TMEM132B: variants seen among roughly 807,000 people sequenced by gnomAD.
The protein encoded by TMEM132B is transmembrane protein 132B.
In TMEM132B, 18 loss-of-function variants were observed where a neutral mutation model predicts 90.8. That is an observed-to-expected ratio of 0.20 (90% CI 0.14 to 0.29). The LOEUF (loss-of-function observed/expected upper bound fraction) is 0.29. Ranked by LOEUF, TMEM132B falls within the 10% of genes least tolerant of loss-of-function variation. The pLI, the probability that TMEM132B is intolerant of heterozygous loss-of-function variation, is 1.00. For synonymous variants in TMEM132B, 504 were observed against 523.3 expected (o/e 0.96, Z 0.50); for missense variants, 1,096 against 1,326.8 (o/e 0.83, Z 2.70).
chr12:125,433,108 C>T (rs1593144626), intron 3 of TMEM132B, among the ~76,000 whole-genome samples: 2 of 152,226 alleles, frequency 1.3e-5, no homozygotes, highest in East Asian at 3.8e-4. Flanking sequence ...CATGGTGAGT[C>T]CTGCCAGTAA....
intron 5 of TMEM132B, among the ~76,000 whole-genome samples, chr12:125,636,426 T>G (rs1886480404): frequency 6.6e-6 from 1 of 152,244 alleles, no homozygotes; most frequent in Non-Finnish European, 1.5e-5. Context: ...CTCCTAATTG[T>G]ATTCCCTATT....
At chr12:125,548,991 TTAGAAA>T (rs146018461) in intron 4 of TMEM132B, among the ~76,000 whole-genome samples, 6,316 of 152,262 alleles carry the variant, frequency 0.041, 366 homozygotes, top group African/African-American at 0.13. Context: ...GCATCATGAA[TTAGAAA>T]TAAAGTTTTG....
At chr12:125,330,117 T>TG (rs1382598895) in intron 1 of TMEM132B, among the ~76,000 whole-genome samples, 8 of 152,318 alleles carry the variant, frequency 5.3e-5, no homozygotes, top group African/African-American at 1.9e-4. Flanking sequence ...GCGTGTGGTG[T>TG]GGGTGCGTCC....
Position 125,636,588 on chromosome 12 carries a change from T to A in TMEM132B, c.1438-7488T>A, listed in dbSNP as rs1886485920. Among the ~76,000 whole-genome samples, 3 of 152,212 alleles carry A rather than the reference T, an allele frequency of 2.0e-5. No individual in the cohort carries two copies. The South Asian group carries it at 6.2e-4, about 32-fold the overall frequency. On this transcript the variant is annotated intron_variant, in intron 5 of 8. Transcript: ENST00000682704. ...CTACCCCTCTTCAAGCTGTAGTGTG[T>A]CTAGCATGTATTCTCATCCCTCCCT...
chr12:125,550,737 C>G (rs1884207253), intron 4 of TMEM132B, among the ~76,000 whole-genome samples: 1 of 152,100 alleles, frequency 6.6e-6, no homozygotes, highest in Non-Finnish European at 1.5e-5. Flanking sequence ...GCTGGTGGTT[C>G]TTCTTCCCTA....
chr12:125,595,646 T>C (rs578013195), intron 5 of TMEM132B, among the ~76,000 whole-genome samples: 1 of 152,296 alleles, frequency 6.6e-6, no homozygotes, highest in Admixed American at 6.5e-5. Flanking sequence ...GAGGCCTGAC[T>C]GTGAGGATCC....
Position 125,415,501 on chromosome 12 carries a change from A to G in TMEM132B, c.960-30A>G, listed in dbSNP as rs187156089. On this transcript the variant is annotated intron_variant, in intron 2 of 8. Transcript: ENST00000682704. This position sits in a 1 kb window ranked among gnomAD's most constrained non-coding sequence, Gnocchi z 5.3. ...TTTCAAACTAAAATGGTTTTATTATATATAATATCATTGTTTTCCCACCCC... is the reference window on the plus strand; with the variant it reads ...TTTCAAACTAAAATGGTTTTATTATGTATAATATCATTGTTTTCCCACCCC... 8.7e-6 allele frequency: 14 copies of G among 1,612,794 alleles called. No homozygotes were observed. The African/African-American group carries it at 1.2e-4, about 14-fold the overall frequency.
chr12:125,421,433 C>A (rs1880163858), intron 3 of TMEM132B, among the ~76,000 whole-genome samples: 1 of 152,180 alleles, frequency 6.6e-6, no homozygotes, highest in Non-Finnish European at 1.5e-5. Context: ...TGGGGGAACT[C>A]CCCTCTATAA....
intron 3 of TMEM132B, among the ~76,000 whole-genome samples, chr12:125,439,352 G>A (rs1361663335): frequency 6.6e-6 from 1 of 152,072 alleles, no homozygotes; most frequent in Non-Finnish European, 1.5e-5. Context: ...TTTGAGCAGT[G>A]TTTTGTAATT....
chr12:125,188,402 TG>T (rs1410867817), intron 1 of TMEM132B, among the ~76,000 whole-genome samples: 1 of 152,174 alleles, frequency 6.6e-6, no homozygotes, highest in Non-Finnish European at 1.5e-5. Flanking sequence ...ACTTGAAAAT[TG>T]CAGTTTTGTC....
chr12:125,262,884 G>T (rs1378012208), intron 1 of TMEM132B, among the ~76,000 whole-genome samples: 1 of 152,230 alleles, frequency 6.6e-6, no homozygotes, highest in African/African-American at 2.4e-5. Context: ...AGGCCAGGAA[G>T]GGCCTCTTCA....
rs536450545 is a variant in TMEM132B at position 125,293,098 on chromosome 12, A to G, written c.68-56354A>G. On this transcript the variant is annotated intron_variant, in intron 1 of 8. Transcript: ENST00000682704. Reference sequence around the variant, plus strand: ...CTATGGGGCTGGCTCCTTTCAACACATGCCATTGACATAATGGAGACATGG... The same window carrying G: ...CTATGGGGCTGGCTCCTTTCAACACGTGCCATTGACATAATGGAGACATGG... Among the ~76,000 whole-genome samples, 6 of 152,278 alleles carry G rather than the reference A, an allele frequency of 3.9e-5. No individual in the cohort carries two copies. In the East Asian group the frequency reaches 1.2e-3, roughly 29 times the overall value.
rs1555235580 is a variant in TMEM132B, at chr12:125,277,502, A to AACACATACACACACACACACAC, written c.68-71945_68-71944insTACACACACACACACACACACA. ...TCAAAAAAAAAAGATGAAGAGGGAG[A>AACACATACACACACACACACAC]ACACACACACACACACACACACACA... On this transcript the variant is annotated intron_variant, in intron 1 of 8. Transcript: ENST00000682704. The surrounding 1 kb of genome is among the most constrained non-coding windows in gnomAD (Gnocchi z 4.3). Among the ~76,000 whole-genome samples the AACACATACACACACACACACAC allele has an allele frequency of 1.4e-5, 2 of 143,112 alleles. No homozygotes were observed. The highest frequency in any genetic ancestry group is 3.0e-5 in the Non-Finnish European group (2 of 66,366). The allele number at this position is 143,112 out of a possible 152,430, so 93.9% of individuals were successfully genotyped here.
At chr12:125,382,072 T>C (rs1239334558) in intron 2 of TMEM132B, among the ~76,000 whole-genome samples, 1 of 152,206 alleles carries the variant, frequency 6.6e-6, no homozygotes, top group Non-Finnish European at 1.5e-5. Flanking sequence ...CTTTTAGAAA[T>C]CTTCTCATAA....
At chr12:125,357,338 A>T (rs1278699902) in intron 2 of TMEM132B, among the ~76,000 whole-genome samples, 4 of 152,238 alleles carry the variant, frequency 2.6e-5, no homozygotes, top group African/African-American at 4.8e-5. Context: ...TGAGTAATTC[A>T]TACACTGGCT....
intron 2 of TMEM132B, among the ~76,000 whole-genome samples, chr12:125,397,098 G>C (rs756837415): frequency 1.3e-5 from 2 of 151,682 alleles, no homozygotes; most frequent in African/African-American, 2.4e-5. Flanking sequence ...CAGCCTCCCA[G>C]TTAGCTGGGA....
chr12:125,460,134 CA>C lies in TMEM132B; in HGVS notation c.1106+44461del, dbSNP rs1270435605. On this transcript the variant is annotated intron_variant, in intron 3 of 8. Transcript: ENST00000682704. This position sits in a 1 kb window ranked among gnomAD's most constrained non-coding sequence, Gnocchi z 4.4. ...ATTATTATGCATTGCATGCCTGTGT[CA>C]AAACATCTCATGTACTCCATAAACA... is the stretch of plus-strand genomic sequence containing the variant. 6.6e-6 allele frequency among the ~76,000 whole-genome samples: 1 copy of C among 152,172 alleles called. No individual in the cohort carries two copies. The highest frequency in any genetic ancestry group is 1.5e-5 in the Non-Finnish European group (1 of 68,042).
intron 1 of TMEM132B, among the ~76,000 whole-genome samples, chr12:125,290,837 G>A (rs578134633): frequency 2.0e-4 from 30 of 152,286 alleles, no homozygotes; most frequent in African/African-American, 6.5e-4. Context: ...AATCACTGGA[G>A]TTCAAGGCAT....
rs149956982 is a variant in TMEM132B at position 125,492,098 on chromosome 12, G to T, written c.1107-27341G>T. Among the ~76,000 whole-genome samples the T allele has an allele frequency of 0.024, 3,637 of 152,266 alleles. 67 individuals are homozygous for T. The highest frequency in any genetic ancestry group is 0.041 in the South Asian group (196 of 4,828). ...TCAATACTGCTTATGTGGAGTGAAA[G>T]TGGCCCATGTCATGGGGATCTGGGT... On this transcript the variant is annotated intron_variant, in intron 3 of 8. Transcript: ENST00000682704. This position sits in a 1 kb window ranked among gnomAD's most constrained non-coding sequence, Gnocchi z 5.8.
Sources: gnomAD v4.1 joint callset for allele counts (sites outside exome capture counted in the v4.1 genomes callset) on GRCh38, gnomAD v4.1.1 for gene constraint, Gnocchi (gnomAD v3.1) non-coding constraint, MANE v1.5 for transcripts, NCBI Gene and HGNC (gene_info 2026-07-23, HGNC 2026-07-21) for gene names.